ATP8A2: variants seen among roughly 807,000 people sequenced by gnomAD.
ATP8A2 encodes ATPase phospholipid transporting 8A2, also known as phospholipid-transporting ATPase IB.
In ATP8A2, 100 loss-of-function variants were observed where a neutral mutation model predicts 165.6. That is an observed-to-expected ratio of 0.60 (90% CI 0.51 to 0.71). ATP8A2 has a LOEUF of 0.71. Ranked by LOEUF, ATP8A2 falls within the 30% of genes least tolerant of loss-of-function variation. ATP8A2 has a pLI of 0.00. For missense variants in ATP8A2, 1,227 were observed against 1,479.5 expected (o/e 0.83, Z 2.80); for synonymous variants, 543 against 548.8 (o/e 0.99, Z 0.15).
intron 30 of ATP8A2, among the ~76,000 whole-genome samples, chr13:25,855,636 T>C (rs190429163): frequency 6.6e-6 from 1 of 152,354 alleles, no homozygotes; most frequent in East Asian, 1.9e-4. Flanking sequence ...AGTACAAGGC[T>C]TTGTGGGTTT....
At chr13:25,992,261 C>G (rs1352654189) in intron 35 of ATP8A2, among the ~76,000 whole-genome samples, 4 of 139,608 alleles carry the variant, frequency 2.9e-5, no homozygotes, top group East Asian at 2.2e-4. Flanking sequence ...GGGATTGCTG[C>G]TTAGTGATCT....
At chr13:25,688,207 A>G (rs1055073620) in intron 24 of ATP8A2, among the ~76,000 whole-genome samples, 1 of 152,164 alleles carries the variant, frequency 6.6e-6, no homozygotes, top group African/African-American at 2.4e-5. Flanking sequence ...TTTCCTGCCT[A>G]AGAGTTAATT....
At position 25,904,258 on chromosome 13, in the gene ATP8A2, C is replaced by T. The variant is rs566431921; in HGVS notation, c.3183+41850C>T. Among the ~76,000 whole-genome samples the T allele has an allele frequency of 3.9e-5, 6 of 152,300 alleles. No homozygotes were observed. The South Asian group carries it at 1.2e-3, about 32-fold the overall frequency. On this transcript the variant is annotated intron_variant, in intron 33 of 36. Coordinates refer to ENST00000381655, the MANE Select transcript of ATP8A2 (RefSeq NM_016529.6). ...ACCTTGGACCTGTCAAATCAGAAACCTTGGGGAGTCTGATCCAAGAGATGA... is the reference window on the plus strand; with the variant it reads ...ACCTTGGACCTGTCAAATCAGAAACTTTGGGGAGTCTGATCCAAGAGATGA...
chr13:25,585,318 C>T (rs1375049025), intron 23 of ATP8A2, among the ~76,000 whole-genome samples: 1 of 152,050 alleles, frequency 6.6e-6, no homozygotes, highest in Non-Finnish European at 1.5e-5. Flanking sequence ...TCGTAGTGGT[C>T]ATTTCCTTAT....
chr13:25,793,739 A>G (rs1950435671), intron 27 of ATP8A2, among the ~76,000 whole-genome samples: 2 of 152,226 alleles, frequency 1.3e-5, no homozygotes. Flanking sequence ...ACGAGATAGC[A>G]GAGAAATCCT....
chr13:25,718,217 G>T (rs1474149773), intron 25 of ATP8A2, among the ~76,000 whole-genome samples: 1 of 91,760 alleles, frequency 1.1e-5, no homozygotes, highest in Non-Finnish European at 2.0e-5. Context: ...CATTTATTTT[G>T]TCGTAATAAA....
chr13:25,740,862 G>T (rs2043896144), intron 25 of ATP8A2, among the ~76,000 whole-genome samples: 1 of 152,172 alleles, frequency 6.6e-6, no homozygotes, highest in Admixed American at 6.5e-5. Flanking sequence ...ACATAATTAT[G>T]TTGTAGAGAC....
At chr13:25,748,101 A>G (rs1260579632) in intron 25 of ATP8A2, among the ~76,000 whole-genome samples, 3 of 152,232 alleles carry the variant, frequency 2.0e-5, no homozygotes, top group Non-Finnish European at 2.9e-5. Flanking sequence ...ATATATTTGT[A>G]TCATCATATT....
chr13:25,441,817 C>G (rs890456695), intron 1 of ATP8A2, among the ~76,000 whole-genome samples: 1 of 152,110 alleles, frequency 6.6e-6, no homozygotes, highest in South Asian at 2.1e-4. Context: ...GAAGTACGTT[C>G]CCATTATTGT....
At chr13:25,513,975 AGTGGGAGAGGGGGAGGGG>A (rs2037377251) in intron 2 of ATP8A2, among the ~76,000 whole-genome samples, 1 of 32,704 alleles carries the variant, frequency 3.1e-5, no homozygotes, top group Non-Finnish European at 5.5e-5. Flanking sequence ...GACCATGGGG[AGTGGGAGAGGGGGAGGGG>A]GAGGGGGAGG....
At chr13:25,642,028 T>C (rs891202064) in intron 24 of ATP8A2, among the ~76,000 whole-genome samples, 3 of 152,156 alleles carry the variant, frequency 2.0e-5, no homozygotes, top group African/African-American at 7.2e-5. Flanking sequence ...TAAATGGCGC[T>C]GGGAAAACTG....
rs542047312 is a variant in ATP8A2 at position 25,501,615 on chromosome 13, G to A, written c.222-28384G>A. Among the ~76,000 whole-genome samples the A allele has an allele frequency of 9.8e-5, 15 of 152,342 alleles. No homozygotes were observed. The East Asian group carries it at 1.5e-3, about 16-fold the overall frequency. On this transcript the variant is annotated intron_variant, in intron 2 of 36. Coordinates refer to ENST00000381655, the MANE Select transcript of ATP8A2 (RefSeq NM_016529.6). ...TCAGTGAAGCCCCAGGGGCCAGAGC[G>A]TTAGGGTACAGAAAATAAGAAAACA...
At chr13:25,775,991 C>T (rs1249232022) in intron 27 of ATP8A2, among the ~76,000 whole-genome samples, 1 of 152,226 alleles carries the variant, frequency 6.6e-6, no homozygotes, top group Non-Finnish European at 1.5e-5. Context: ...TCATGTCACA[C>T]ATCTGGTAAC....
chr13:25,825,215 G>T (rs1227807176), intron 27 of ATP8A2, among the ~76,000 whole-genome samples: 1 of 134,586 alleles, frequency 7.4e-6, no homozygotes, highest in African/African-American at 2.9e-5. Context: ...GGAGTGCAAT[G>T]GCATGGTCAG....
At chr13:25,440,411 C>G (rs1295249640) in intron 1 of ATP8A2, among the ~76,000 whole-genome samples, 1 of 152,164 alleles carries the variant, frequency 6.6e-6, no homozygotes, top group Non-Finnish European at 1.5e-5. Context: ...TAACTCTCTA[C>G]CATCCATCCT....
intron 25 of ATP8A2, among the ~76,000 whole-genome samples, chr13:25,738,334 C>CCT (rs985278171): frequency 9.8e-4 from 24 of 24,384 alleles, no homozygotes; most frequent in Admixed American, 6.3e-3. Flanking sequence ...TCTTTTTGTG[C>CCT]CCCCCTCCCC....
chr13:25,952,005 A>G (rs1234557601), intron 33 of ATP8A2, among the ~76,000 whole-genome samples: 6 of 152,156 alleles, frequency 3.9e-5, no homozygotes, highest in African/African-American at 1.2e-4. Flanking sequence ...TCCTAGACAT[A>G]CCAGTGGCTT....
intron 24 of ATP8A2, among the ~76,000 whole-genome samples, chr13:25,664,590 T>C (rs2042112922): frequency 6.6e-6 from 1 of 152,142 alleles, no homozygotes; most frequent in Non-Finnish European, 1.5e-5. Context: ...CGGGCAGTGG[T>C]TACTGGAGCT....
At chr13:25,646,018 C>T (rs531626962) in intron 24 of ATP8A2, among the ~76,000 whole-genome samples, 1 of 152,092 alleles carries the variant, frequency 6.6e-6, no homozygotes, top group South Asian at 2.1e-4. Flanking sequence ...GTATTGAAGT[C>T]CCTTGCTGTT....
Sources: allele counts gnomAD v4.1 joint callset (sites outside exome capture counted in the v4.1 genomes callset), GRCh38; gene constraint gnomAD v4.1.1; transcripts MANE v1.5; gene names NCBI Gene and HGNC (gene_info 2026-07-23, HGNC 2026-07-21).